The following CRAMP1 variants were observed in gnomAD, a reference collection of about 807,000 sequenced individuals.
The protein encoded by CRAMP1 is protein cramped-like.
CRAMP1 carries 50 observed loss-of-function variants against 115.4 expected under a neutral mutation model. The observed-to-expected ratio is 0.43, with a 90% CI of 0.35 to 0.55. CRAMP1 has a LOEUF of 0.55. Ranked by LOEUF, CRAMP1 falls within the 20% of genes least tolerant of loss-of-function variation. The pLI is 0.01. For missense variants in CRAMP1, 1,679 were observed against 1,721.7 expected, an observed-to-expected ratio of 0.98 and a Z score of 0.44; for synonymous variants, 866 against 745.4, an observed-to-expected ratio of 1.16 and a Z score of -2.64.
Position 1,654,097 on chromosome 16 carries a change from TGCG to T in CRAMP1, c.1037+942_1037+944del, listed in dbSNP as rs2036748517. On this transcript the variant is annotated intron_variant, in intron 8 of 20. Coordinates refer to ENST00000397412, the MANE Select transcript of CRAMP1 (RefSeq NM_020825.4). ...GGCAGAGGTTGCAGTGAGCCAAGATTGCGCCCCTGCCCTCCAGCCTGGGCCACA... is the reference window on the plus strand; with the variant it reads ...GGCAGAGGTTGCAGTGAGCCAAGATTCCCCTGCCCTCCAGCCTGGGCCACA... Among the ~76,000 whole-genome samples, 5 of 144,846 alleles carry T rather than the reference TGCG, an allele frequency of 3.5e-5. No homozygotes were observed. In the South Asian group the frequency reaches 1.1e-3, roughly 32 times the overall value.
At chr16:1,624,119 T>A (rs1405073640) in intron 2 of CRAMP1, among the ~76,000 whole-genome samples, 1 of 151,964 alleles carries the variant, frequency 6.6e-6, no homozygotes, top group South Asian at 2.1e-4. Flanking sequence ...GGGGCTGGCG[T>A]GACTGAGAGG....
At chr16:1,661,720 C>T (rs1349822713) in intron 11 of CRAMP1, among the ~76,000 whole-genome samples, 3 of 151,922 alleles carry the variant, frequency 2.0e-5, no homozygotes, top group Non-Finnish European at 2.9e-5. Flanking sequence ...CTCAGCCACC[C>T]GAGTAGTTGG....
intron 7 of CRAMP1, 96 bp downstream of exon 7, chr16:1,652,677 C>G (rs767773491): frequency 3.1e-5 from 35 of 1,121,328 alleles, no homozygotes; most frequent in Non-Finnish European, 4.6e-5. Flanking sequence ...GCCACAGTTG[C>G]TTTGTGTCTG....
Position 1,653,100 on chromosome 16 carries a change from G to A in CRAMP1, c.981G>A (p.Pro327=), listed in dbSNP as rs778796282. The change falls in exon 8 of 21, where the codon CCG becomes CCA. Residue 327 remains proline (P), a synonymous_variant. Transcript: ENST00000397412. Reference sequence around the variant, plus strand: ...TGAAAGTCCCTATAGAGCTACAGCCGCGGAACAACCACGCCTGGGCCCGTG... The same window carrying A: ...TGAAAGTCCCTATAGAGCTACAGCCACGGAACAACCACGCCTGGGCCCGTG... ...LPLKVPIELQ[P]RNNHAWARVQ... 24 of 1,612,360 alleles carry A rather than the reference G, an allele frequency of 1.5e-5. No homozygotes were observed. Among genetic ancestry groups the A allele is most frequent in the African/African-American group, 4.0e-5 (3 of 74,888 alleles).
chr16:1,614,577 G>C lies in CRAMP1; in HGVS notation c.-1-62G>C. The C allele has an allele frequency of 9.6e-7, 1 of 1,044,012 alleles. No homozygotes were observed. The highest frequency in any genetic ancestry group is 1.2e-6 in the Non-Finnish European group (1 of 821,452). 64.7% of individuals were successfully genotyped at this position (1,044,012 alleles called of 1,614,324 possible). A position where few individuals can be genotyped will look rare whatever the true frequency, so the allele number is the denominator to read the frequency against. ...CGGCGGCCATGTTGAGAGCGCGTCGGGGCCGCTAAACTTCCCGGCCTGCGC... is the reference window on the plus strand; with the variant it reads ...CGGCGGCCATGTTGAGAGCGCGTCGCGGCCGCTAAACTTCCCGGCCTGCGC... On this transcript the variant is annotated intron_variant, in intron 1 of 20. Transcript: ENST00000397412. This position sits in a 1 kb window ranked among gnomAD's most constrained non-coding sequence, Gnocchi z 4.4.
At position 1,655,255 on chromosome 16, in the gene CRAMP1, C is replaced by T. The variant is rs781070974; in HGVS notation, c.1074C>T (p.Leu358=). ...AGCTACATCGAAAGGTCTCCAGCCT[C>T]ATCGAATTCTTGAAGCAGAAGTGGG... ...IVELHRKVSS[L]IEFLKQKWAL... is the part of the protein sequence containing the mutation. The change falls in exon 9 of 21, where the codon CTC becomes CTT. Residue 358 remains leucine, a synonymous_variant. Transcript: ENST00000397412. 3.1e-6 allele frequency: 5 copies of T among 1,613,910 alleles called. No homozygotes were observed. In the African/African-American group the frequency reaches 6.7e-5, roughly 22 times the overall value.
chr16:1,666,864 A>C lies in CRAMP1; in HGVS notation c.3036+264A>C, dbSNP rs150384209. On this transcript the variant is annotated intron_variant, in intron 16 of 20. Coordinates refer to ENST00000397412, the MANE Select transcript of CRAMP1 (RefSeq NM_020825.4). The surrounding 1 kb of genome is among the most constrained non-coding windows in gnomAD (Gnocchi z 5.0). ...GTGTGGAAACATAGCTCCATCTGAG[A>C]GTGACCATAACCAAGGTGGCAGCCC... Among the ~76,000 whole-genome samples, 335 of 152,348 alleles carry C rather than the reference A, an allele frequency of 2.2e-3. 1 individual carries two copies. Among genetic ancestry groups the C allele is most frequent in the Non-Finnish European group, 2.5e-3 (170 of 68,028 alleles).
chr16:1,636,995 A>G lies in CRAMP1; in HGVS notation c.695-829A>G, dbSNP rs188694540. 2.7e-4 allele frequency among the ~76,000 whole-genome samples: 41 copies of G among 152,296 alleles called. No individual in the cohort carries two copies. The East Asian group carries it at 7.5e-3, about 28-fold the overall frequency. ...ATGTCTCAGCCTGTTTGCCTCCCAA[A>G]TAAAACAGGGGCCTTGGCTGGGCAC... On this transcript the variant is annotated intron_variant, in intron 4 of 20. Coordinates refer to ENST00000397412, the MANE Select transcript of CRAMP1 (RefSeq NM_020825.4).
At chr16:1,648,794 C>G (rs537289563) in intron 6 of CRAMP1, among the ~76,000 whole-genome samples, 1 of 152,032 alleles carries the variant, frequency 6.6e-6, no homozygotes, top group Non-Finnish European at 1.5e-5. Context: ...CGCGGTGGCT[C>G]ACGCCTGTAA....
intron 2 of CRAMP1, among the ~76,000 whole-genome samples, chr16:1,620,845 T>G (rs2036460426): frequency 6.6e-6 from 1 of 152,068 alleles, no homozygotes; most frequent in African/African-American, 2.4e-5. Flanking sequence ...GGGAAACGCC[T>G]GGGTTTGGAG....
chr16:1,667,892 TG>T, intron 17 of CRAMP1, 69 bp from the exon 18 acceptor site: 1 of 956,802 alleles, frequency 1.0e-6, no homozygotes, highest in Non-Finnish European at 1.6e-6. Flanking sequence ...GAGAGTAAGC[TG>T]GTGTTTCTTC....
intron 2 of CRAMP1, 96 bp from the exon 3 acceptor site, chr16:1,625,877 C>G: frequency 2.4e-6 from 3 of 1,254,572 alleles, no homozygotes; most frequent in Non-Finnish European, 2.2e-6. Flanking sequence ...GGAGTGGGAC[C>G]TCAGGGCAGT....
intron 4 of CRAMP1, among the ~76,000 whole-genome samples, chr16:1,633,804 G>A (rs1455552924): frequency 2.0e-5 from 3 of 152,184 alleles, no homozygotes; most frequent in Non-Finnish European, 4.4e-5. Context: ...GCGCGCGGTG[G>A]CTCATGCCTG....
intron 4 of CRAMP1, among the ~76,000 whole-genome samples, chr16:1,632,684 C>T (rs2036556785): frequency 1.3e-5 from 2 of 152,260 alleles, no homozygotes; most frequent in African/African-American, 4.8e-5. Flanking sequence ...CTGTGGTCTC[C>T]ACTGCAAATG....
chr16:1,670,652 T>A lies in CRAMP1; in HGVS notation c.3500-12T>A. 6.2e-7 allele frequency: 1 copy of A among 1,613,572 alleles called. No individual in the cohort carries two copies. Among genetic ancestry groups the A allele is most frequent in the Non-Finnish European group, 8.5e-7 (1 of 1,179,610 alleles). On this transcript the variant is annotated splice_polypyrimidine_tract_variant and intron_variant, in intron 19 of 20. Transcript: ENST00000397412. ...GGGTTCAGGGTGTTTTCCTCTGGCC[T>A]TTTCTCCGCAGCAAGCTTCATCTCC...
intron 6 of CRAMP1, among the ~76,000 whole-genome samples, chr16:1,642,197 C>G (rs373510731): frequency 6.6e-6 from 1 of 152,210 alleles, no homozygotes; most frequent in Non-Finnish European, 1.5e-5. Flanking sequence ...ATCTCTCTTC[C>G]GTCCATAGCA....
intron 6 of CRAMP1, among the ~76,000 whole-genome samples, chr16:1,643,832 G>C (rs925327933): frequency 6.6e-6 from 1 of 152,266 alleles, no homozygotes; most frequent in Non-Finnish European, 1.5e-5. Flanking sequence ...ATGTTGGCCA[G>C]AAGGCGGCAT....
rs563448243 is a variant in CRAMP1 at position 1,638,210 on chromosome 16, C to T, written c.778+303C>T. Among the ~76,000 whole-genome samples, 15 of 152,320 alleles carry T rather than the reference C, an allele frequency of 9.8e-5. No individual in the cohort carries two copies. The East Asian group carries it at 1.7e-3, about 18-fold the overall frequency. Reference sequence around the variant, plus strand: ...ACGCCACAGCCCAGAATACCTCCACCGGCATCACCTCAGAGAACATTTCTC... The same window carrying T: ...ACGCCACAGCCCAGAATACCTCCACTGGCATCACCTCAGAGAACATTTCTC... On this transcript the variant is annotated intron_variant, in intron 5 of 20. Transcript: ENST00000397412.
At chr16:1,670,613 G>C (rs1361372573) in intron 19 of CRAMP1, 51 bp from the exon 20 acceptor site, 1 of 1,604,254 alleles carries the variant, frequency 6.2e-7, no homozygotes, top group Non-Finnish European at 8.5e-7. Context: ...CGCTGGACTG[G>C]TCCAGACCAA....
Sources: gnomAD v4.1 joint callset for allele counts (sites outside exome capture counted in the v4.1 genomes callset) on GRCh38, gnomAD v4.1.1 for gene constraint, Gnocchi (gnomAD v3.1) non-coding constraint, MANE v1.5 for transcripts, NCBI Gene and HGNC (gene_info 2026-07-23, HGNC 2026-07-21) for gene names.